Variants in CDKAL1 observed in about 807,000 individuals in gnomAD.
The protein encoded by CDKAL1 is threonylcarbamoyladenosine tRNA methylthiotransferase.
A neutral mutation model predicts 68.2 loss-of-function variants in CDKAL1; 32 were observed. The ratio of observed to expected loss-of-function variants is 0.47; its 90% CI spans 0.35 to 0.63. The LOEUF is 0.63. Ranked by LOEUF, CDKAL1 falls within the 30% of genes least tolerant of loss-of-function variation. The pLI, the probability that CDKAL1 is intolerant of heterozygous loss-of-function variation, is 0.00. For synonymous variants in CDKAL1, 234 were observed against 244.3 expected (o/e 0.96, Z 0.39); for missense variants, 606 against 696.7 (o/e 0.87, Z 1.47).
intron 13 of CDKAL1, among the ~76,000 whole-genome samples, chr6:21,116,752 C>T (rs1280129215): frequency 6.6e-6 from 1 of 152,196 alleles, no homozygotes; most frequent in African/African-American, 2.4e-5. Flanking sequence ...CCTTTGCTAA[C>T]ATTCAGTATA....
intron 5 of CDKAL1, among the ~76,000 whole-genome samples, chr6:20,737,500 C>G (rs1368512832): frequency 1.3e-5 from 2 of 152,132 alleles, no homozygotes; most frequent in Admixed American, 1.3e-4. Context: ...TATTAGTCAT[C>G]TCAATGTCTC....
chr6:20,561,210 G>A (rs1400812664), intron 4 of CDKAL1, among the ~76,000 whole-genome samples: 1 of 152,046 alleles, frequency 6.6e-6, no homozygotes, highest in Non-Finnish European at 1.5e-5. Flanking sequence ...GGGAGCCCGA[G>A]AGGGGCGGAT....
At chr6:21,180,511 A>G (rs1777749087) in intron 13 of CDKAL1, among the ~76,000 whole-genome samples, 1 of 152,184 alleles carries the variant, frequency 6.6e-6, no homozygotes, top group African/African-American at 2.4e-5. Flanking sequence ...TCCCAATGGT[A>G]ATTATCTGAT....
intron 4 of CDKAL1, among the ~76,000 whole-genome samples, chr6:20,645,506 T>G (rs1038941941): frequency 6.6e-5 from 10 of 151,836 alleles, no homozygotes; most frequent in African/African-American, 2.2e-4. Context: ...CCGAGGCAGG[T>G]AGATCACGAG....
chr6:21,063,525 T>A (rs60323116), intron 11 of CDKAL1, among the ~76,000 whole-genome samples: 77 of 152,302 alleles, frequency 5.1e-4, no homozygotes, highest in African/African-American at 1.8e-3. Flanking sequence ...CAAGAATTGT[T>A]CTTTAGTGGT....
intron 15 of CDKAL1, among the ~76,000 whole-genome samples, chr6:21,207,382 C>T (rs1054233118): frequency 2.0e-5 from 3 of 151,990 alleles, no homozygotes; most frequent in East Asian, 1.9e-4. Context: ...AAAAATTAGC[C>T]GAGTGTGATG....
chr6:21,068,305 C>G (rs1391679516), intron 12 of CDKAL1, among the ~76,000 whole-genome samples: 1 of 151,886 alleles, frequency 6.6e-6, no homozygotes. Context: ...ATAAAGATAC[C>G]CCTCAATGTA....
chr6:21,210,269 G>A (rs1006298955), intron 15 of CDKAL1, among the ~76,000 whole-genome samples: 6 of 152,200 alleles, frequency 3.9e-5, no homozygotes, highest in African/African-American at 1.4e-4. Flanking sequence ...GAATGTTGGT[G>A]TCTTCCCAAA....
chr6:21,217,774 A>C (rs533111949), intron 15 of CDKAL1, among the ~76,000 whole-genome samples: 3 of 152,350 alleles, frequency 2.0e-5, no homozygotes, highest in Admixed American at 6.5e-5. Flanking sequence ...CTGGGATTAC[A>C]GGCGTGAGCC....
At chr6:20,970,382 T>A (rs146294313) in intron 10 of CDKAL1, among the ~76,000 whole-genome samples, 1 of 152,180 alleles carries the variant, frequency 6.6e-6, no homozygotes, top group African/African-American at 2.4e-5. Flanking sequence ...GCTGCAAACC[T>A]TTAGTTAATT....
intron 13 of CDKAL1, among the ~76,000 whole-genome samples, chr6:21,167,928 C>T (rs1365146341): frequency 6.6e-6 from 1 of 152,162 alleles, no homozygotes; most frequent in East Asian, 1.9e-4. Context: ...CTATTGCAAG[C>T]TGATAAGTAG....
At chr6:20,868,185 TG>T (rs1285355263) in intron 9 of CDKAL1, among the ~76,000 whole-genome samples, 1 of 152,216 alleles carries the variant, frequency 6.6e-6, no homozygotes, top group Admixed American at 6.5e-5. Flanking sequence ...TTTTTAATGG[TG>T]ACTTTCCTAT....
intron 11 of CDKAL1, among the ~76,000 whole-genome samples, chr6:21,028,661 A>C (rs1769093316): frequency 6.6e-6 from 1 of 152,190 alleles, no homozygotes; most frequent in Non-Finnish European, 1.5e-5. Context: ...CTCCAAATAC[A>C]GTCACACTGG....
intron 10 of CDKAL1, among the ~76,000 whole-genome samples, chr6:20,970,074 G>A (rs1256983368): frequency 1.3e-5 from 2 of 152,092 alleles, no homozygotes; most frequent in African/African-American, 4.8e-5. Flanking sequence ...TGTTCTCACT[G>A]GGTTAGTGCC....
intron 5 of CDKAL1, among the ~76,000 whole-genome samples, chr6:20,726,017 C>A (rs143740244): frequency 1.3e-5 from 2 of 151,520 alleles, no homozygotes; most frequent in African/African-American, 2.4e-5. Flanking sequence ...CCCTAAAATA[C>A]GTTTTTTTTT....
At chr6:20,780,672 T>C (rs1561771578) in intron 7 of CDKAL1, among the ~76,000 whole-genome samples, 1 of 39,210 alleles carries the variant, frequency 2.6e-5, no homozygotes, top group African/African-American at 7.5e-5. Context: ...TTCTTTTTCT[T>C]TTTTTTTTTT....
At chr6:20,786,625 G>A (rs139629357) in intron 8 of CDKAL1, among the ~76,000 whole-genome samples, 1 of 150,650 alleles carries the variant, frequency 6.6e-6, no homozygotes, top group Non-Finnish European at 1.5e-5. Flanking sequence ...AGCCTCCTGA[G>A]TAGCTGGGAC....
chr6:20,989,802 A>G (rs987521103), intron 10 of CDKAL1, among the ~76,000 whole-genome samples: 1 of 152,202 alleles, frequency 6.6e-6, no homozygotes, highest in Non-Finnish European at 1.5e-5. Context: ...TTCAAAACTA[A>G]TACAGCAAAA....
chr6:20,867,935 C>T (rs779148934), intron 9 of CDKAL1, among the ~76,000 whole-genome samples: 5 of 152,020 alleles, frequency 3.3e-5, no homozygotes, highest in Admixed American at 6.6e-5. Flanking sequence ...GGCCAAAGTA[C>T]GTATTCCATA....
Sources: gnomAD v4.1 joint callset for allele counts (sites outside exome capture counted in the v4.1 genomes callset) on GRCh38, gnomAD v4.1.1 for gene constraint, MANE v1.5 for transcripts, NCBI Gene and HGNC (gene_info 2026-07-23, HGNC 2026-07-21) for gene names.